ADD3: variants seen among roughly 807,000 people sequenced by gnomAD.
ADD3 encodes the protein gamma-adducin.
A neutral mutation model predicts 80.2 loss-of-function variants in ADD3; 25 were observed. The observed-to-expected ratio is 0.31, with a 90% CI of 0.23 to 0.44. ADD3 has a LOEUF of 0.44. ADD3 is among the 20% of genes least tolerant of loss of function. ADD3 has a pLI of 1.00. For synonymous variants in ADD3, 284 were observed against 289.6 expected (o/e 0.98, Z 0.20); for missense variants, 829 against 847.5 (o/e 0.98, Z 0.27).
chr10:110,122,415 TTTCA>T (rs1188145115), intron 9 of ADD3, 123 bp downstream of exon 9: 1 of 826,290 alleles, frequency 1.2e-6, no homozygotes, highest in Non-Finnish European at 1.9e-6. Flanking sequence ...TAGGAAAGCA[TTTCA>T]TTGTTATTTA....
chr10:110,064,284 G>A (rs560943367), intron 1 of ADD3, among the ~76,000 whole-genome samples: 1 of 152,178 alleles, frequency 6.6e-6, no homozygotes, highest in East Asian at 1.9e-4. Flanking sequence ...TGGCTTACAG[G>A]GCATGTGTGT....
At chr10:110,131,678 T>C (rs1250251188) in intron 13 of ADD3, among the ~76,000 whole-genome samples, 1 of 152,264 alleles carries the variant, frequency 6.6e-6, no homozygotes, top group African/African-American at 2.4e-5. Flanking sequence ...AATGGTGTTA[T>C]TGAATTTGTT....
chr10:110,073,060 A>T (rs1413424069), intron 1 of ADD3, among the ~76,000 whole-genome samples: 1 of 152,146 alleles, frequency 6.6e-6, no homozygotes, highest in Non-Finnish European at 1.5e-5. Flanking sequence ...CCAGGGATGA[A>T]AAAATCACTG....
chr10:110,097,466 T>C (rs965723066), intron 1 of ADD3, among the ~76,000 whole-genome samples: 1 of 152,112 alleles, frequency 6.6e-6, no homozygotes, highest in Non-Finnish European at 1.5e-5. Flanking sequence ...GTTTTGAAAT[T>C]ATTTCAGACT....
chr10:110,031,284 A>C (rs1445932514), intron 1 of ADD3, among the ~76,000 whole-genome samples: 1 of 152,228 alleles, frequency 6.6e-6, no homozygotes, highest in Admixed American at 6.5e-5. Flanking sequence ...TCAAAAAATC[A>C]AAATAAAAAA....
intron 9 of ADD3, among the ~76,000 whole-genome samples, 164 bp downstream of exon 9, chr10:110,122,456 C>G (rs1851624066): frequency 6.6e-6 from 1 of 151,998 alleles, no homozygotes; most frequent in Non-Finnish European, 1.5e-5. Context: ...TTAAACAGAA[C>G]TTACAAATGT....
chr10:110,118,217 T>C (rs1157290426), intron 5 of ADD3, among the ~76,000 whole-genome samples: 2 of 152,210 alleles, frequency 1.3e-5, no homozygotes, highest in Non-Finnish European at 2.9e-5. Flanking sequence ...GGGTGCTTGC[T>C]GCAATGTTAG....
At chr10:110,091,806 G>A (rs1356220880) in intron 1 of ADD3, among the ~76,000 whole-genome samples, 2 of 152,192 alleles carry the variant, frequency 1.3e-5, no homozygotes, top group African/African-American at 4.8e-5. Flanking sequence ...GTAGAAAACA[G>A]ACAACCTGCA....
intron 1 of ADD3, among the ~76,000 whole-genome samples, chr10:110,000,742 G>A (rs12246503): frequency 0.088 from 13,459 of 152,114 alleles, 1,888 homozygotes; most frequent in African/African-American, 0.31. Flanking sequence ...TTAATTCTAT[G>A]CTTTGATATC....
intron 1 of ADD3, among the ~76,000 whole-genome samples, chr10:110,071,999 CAAAT>C (rs1490043438): frequency 6.6e-6 from 1 of 152,196 alleles, no homozygotes; most frequent in Non-Finnish European, 1.5e-5. Context: ...CCTGTTTTAA[CAAAT>C]AACCATCTAT....
intron 1 of ADD3, among the ~76,000 whole-genome samples, chr10:110,015,595 C>T (rs1039233489): frequency 1.3e-5 from 2 of 151,884 alleles, no homozygotes; most frequent in Non-Finnish European, 1.5e-5. Flanking sequence ...CGGATGGTCT[C>T]GATCTCCTGA....
chr10:110,059,933 T>G (rs1431928660), intron 1 of ADD3, among the ~76,000 whole-genome samples: 7 of 152,228 alleles, frequency 4.6e-5, no homozygotes, highest in African/African-American at 1.7e-4. Flanking sequence ...TGAAAGGTTA[T>G]TCTGTGGACT....
At chr10:110,045,035 C>A (rs1220721743) in intron 1 of ADD3, among the ~76,000 whole-genome samples, 14 of 152,156 alleles carry the variant, frequency 9.2e-5, no homozygotes, top group Admixed American at 9.2e-4. Context: ...GTAGAAAATA[C>A]TTTTCCGAAA....
At chr10:110,101,365 T>A (rs1378017689) in intron 2 of ADD3, among the ~76,000 whole-genome samples, 3 of 152,286 alleles carry the variant, frequency 2.0e-5, no homozygotes, top group South Asian at 4.1e-4. Context: ...CCAGGCTCAG[T>A]GGCTCACAGT....
At chr10:110,103,059 A>G (rs915405114) in intron 2 of ADD3, among the ~76,000 whole-genome samples, 1 of 152,140 alleles carries the variant, frequency 6.6e-6, no homozygotes, top group Admixed American at 6.5e-5. Flanking sequence ...TTAAAAGTTG[A>G]TATTTTTTTT....
intron 1 of ADD3, among the ~76,000 whole-genome samples, chr10:110,040,475 G>A (rs1172066763): frequency 6.6e-6 from 1 of 152,082 alleles, no homozygotes; most frequent in Admixed American, 6.5e-5. Context: ...TCCATAATTA[G>A]GAGTACTTAA....
chr10:110,095,990 C>A (rs10400168), intron 1 of ADD3, among the ~76,000 whole-genome samples: 21,816 of 152,052 alleles, frequency 0.14, 5,052 homozygotes, highest in African/African-American at 0.49. Flanking sequence ...GGGCAGCATG[C>A]GGAGTACTTC....
At chr10:110,014,194 C>T (rs1443957661) in intron 1 of ADD3, among the ~76,000 whole-genome samples, 8 of 152,148 alleles carry the variant, frequency 5.3e-5, no homozygotes, top group African/African-American at 9.7e-5. Flanking sequence ...CACTTTTACG[C>T]CCTAGGAAGT....
At chr10:110,100,585 A>G (rs1848698141) in intron 1 of ADD3, 40 bp from the exon 2 acceptor site, 1 of 1,326,028 alleles carries the variant, frequency 7.5e-7, no homozygotes, top group African/African-American at 1.5e-5. Context: ...GAATTTAATG[A>G]ATTTATCATG....
Sources: allele counts gnomAD v4.1 joint callset (sites outside exome capture counted in the v4.1 genomes callset), GRCh38; gene constraint gnomAD v4.1.1; transcripts MANE v1.5; gene names NCBI Gene and HGNC (gene_info 2026-07-23, HGNC 2026-07-21).